The following CTNNA2 variants were observed in gnomAD, a reference collection of about 807,000 sequenced individuals.
CTNNA2 encodes catenin alpha 2.
Under a neutral mutation model 101.0 loss-of-function variants are expected in CTNNA2, and 42 were observed. That is an observed-to-expected ratio of 0.42 (90% CI 0.32 to 0.54). The LOEUF (loss-of-function observed/expected upper bound fraction) is 0.54. CTNNA2 is among the 20% of genes least tolerant of loss of function. The probability of loss-of-function intolerance (pLI) is 0.14; values close to 1 mark genes in which losing one functional copy is unlikely to be tolerated. For missense variants in CTNNA2, 871 were observed against 1,223.1 expected (o/e 0.71, Z 4.29); for synonymous variants, 450 against 456.4 (o/e 0.99, Z 0.18).
At position 79,187,268 on chromosome 2, in the gene CTNNA2, TTC is replaced by T. The variant is rs1271588864; in HGVS notation, c.-524+1839_-524+1840del. On this transcript the variant is annotated intron_variant, in intron 1 of 21. Transcript: ENST00000466387. ...TTCTTTTCTTTTCTTTTCTTTTCTT[TTC>T]TTTTTTTTTTTTTTTTTGAGACAGA... Among the ~76,000 whole-genome samples, 225 of 93,854 alleles carry T rather than the reference TTC, an allele frequency of 2.4e-3. 4 individuals are homozygous for T. Among genetic ancestry groups the T allele is most frequent in the African/African-American group, 9.7e-3 (129 of 13,318 alleles). The allele number at this position is 93,854 out of a possible 152,430, so 61.6% of individuals were successfully genotyped here. A position where few individuals can be genotyped will look rare whatever the true frequency, so the allele number is the denominator to read the frequency against.
At chr2:79,896,293 A>T (rs1408532362) in intron 6 of CTNNA2, among the ~76,000 whole-genome samples, 1 of 151,960 alleles carries the variant, frequency 6.6e-6, no homozygotes, top group African/African-American at 2.4e-5. Flanking sequence ...TCAAAAAAAA[A>T]AAAGGAGAAC....
chr2:80,102,403 C>G (rs548694925), intron 7 of CTNNA2, among the ~76,000 whole-genome samples: 2 of 152,312 alleles, frequency 1.3e-5, no homozygotes, highest in East Asian at 3.9e-4. Context: ...ATGCTTCACC[C>G]CTACAGGTCC....
intron 2 of CTNNA2, among the ~76,000 whole-genome samples, chr2:79,237,553 G>T (rs1012315570): frequency 6.6e-6 from 1 of 152,170 alleles, no homozygotes; most frequent in Non-Finnish European, 1.5e-5. Flanking sequence ...CTCTCTAGCT[G>T]TGAGAAGTCC....
intron 7 of CTNNA2, among the ~76,000 whole-genome samples, chr2:79,932,317 G>A (rs1444607994): frequency 6.6e-6 from 1 of 152,162 alleles, no homozygotes. Context: ...CAGATAAAAG[G>A]GAAAGAGGAG....
intron 2 of CTNNA2, among the ~76,000 whole-genome samples, chr2:79,290,748 C>T (rs1675781403): frequency 6.6e-6 from 1 of 152,184 alleles, no homozygotes; most frequent in Admixed American, 6.5e-5. Flanking sequence ...CTCCATCTCC[C>T]TTCCGGCTTC....
intron 1 of CTNNA2, among the ~76,000 whole-genome samples, chr2:79,568,460 A>G (rs1343008646): frequency 6.6e-6 from 1 of 151,658 alleles, no homozygotes; most frequent in Non-Finnish European, 1.5e-5. Flanking sequence ...AAAATTAGCC[A>G]GTAGTGGTGG....
chr2:80,576,230 A>T (rs991810902), intron 13 of CTNNA2: 1 of 152,086 alleles, frequency 6.6e-6, no homozygotes, highest in African/African-American at 2.4e-5. Flanking sequence ...TACATATTTA[A>T]TGGTGATGTT....
Position 79,957,357 on chromosome 2 carries a change from C to T in CTNNA2, c.1056+47560C>T, listed in dbSNP as rs187920585. 2.0e-3 allele frequency among the ~76,000 whole-genome samples: 300 copies of T among 152,228 alleles called. 4 individuals are homozygous for T. Among genetic ancestry groups the T allele is most frequent in the Non-Finnish European group, 2.8e-3 (193 of 68,018 alleles). Reference sequence around the variant, plus strand: ...GCATCTTCCATGTCTCTTTGCTTACCAGCATCCTGTTGGGTTGTGTCCATG... The same window carrying T: ...GCATCTTCCATGTCTCTTTGCTTACTAGCATCCTGTTGGGTTGTGTCCATG... On this transcript the variant is annotated intron_variant, in intron 7 of 18. Transcript: ENST00000402739.
chr2:80,511,066 C>A (rs893601268), intron 9 of CTNNA2, among the ~76,000 whole-genome samples: 1 of 152,154 alleles, frequency 6.6e-6, no homozygotes, highest in Non-Finnish European at 1.5e-5. Context: ...GAATTGTGAG[C>A]AACTTTAGAG....
chr2:79,369,589 A>G (rs1677826292), intron 3 of CTNNA2, among the ~76,000 whole-genome samples: 1 of 152,146 alleles, frequency 6.6e-6, no homozygotes, highest in Admixed American at 6.5e-5. Flanking sequence ...CCAGGTAGGT[A>G]TCAATGCCCT....
In CTNNA2 at chr2:80,302,759, A is replaced by C. The variant is rs775910242; in HGVS notation, c.1057-90452A>C. ...CAGGTGGAAGGCGTACACGGCGTCCAGGACGTCCTCGCCCTGTGCGTACTC... is the reference window on the plus strand; with the variant it reads ...CAGGTGGAAGGCGTACACGGCGTCCCGGACGTCCTCGCCCTGTGCGTACTC... On this transcript the variant is annotated intron_variant, in intron 7 of 18. Coordinates refer to ENST00000402739, the MANE Select transcript of CTNNA2 (RefSeq NM_001282597.3). The surrounding 1 kb of genome is among the most constrained non-coding windows in gnomAD (Gnocchi z 6.4). 1 of 1,613,110 alleles carries C rather than the reference A, an allele frequency of 6.2e-7. No individual in the cohort carries two copies. Among genetic ancestry groups the C allele is most frequent in the Non-Finnish European group, 8.5e-7 (1 of 1,179,902 alleles).
chr2:79,279,172 C>T (rs532835184), intron 2 of CTNNA2, among the ~76,000 whole-genome samples: 1 of 152,122 alleles, frequency 6.6e-6, no homozygotes, highest in East Asian at 1.9e-4. Flanking sequence ...TCTATAAAAA[C>T]CCAGCCCTTC....
In CTNNA2 at chr2:80,605,847, T is replaced by C. The variant is rs1425133188; in HGVS notation, c.2295+1668T>C. Among the ~76,000 whole-genome samples, 3 of 151,950 alleles carry C rather than the reference T, an allele frequency of 2.0e-5. No individual in the cohort carries two copies. The East Asian group carries it at 5.8e-4, about 29-fold the overall frequency. The stretch of plus-strand genomic sequence containing the variant: ...TTATTGGTTGAGATAACTCAAGTAC[T>C]ATGAGAATTTGAGAACTGCTTACAA... On this transcript the variant is annotated intron_variant, in intron 16 of 18. Coordinates refer to ENST00000402739, the MANE Select transcript of CTNNA2 (RefSeq NM_001282597.3).
intron 7 of CTNNA2, among the ~76,000 whole-genome samples, chr2:80,001,085 T>A (rs1484705474): frequency 2.0e-5 from 3 of 152,238 alleles, no homozygotes; most frequent in African/African-American, 4.8e-5. Context: ...TGTTTTGATT[T>A]GACTGCTTGA....
chr2:79,250,014 C>T (rs1275719952), intron 2 of CTNNA2, among the ~76,000 whole-genome samples: 3 of 152,178 alleles, frequency 2.0e-5, no homozygotes, highest in African/African-American at 7.2e-5. Flanking sequence ...CCATAATCAA[C>T]AAGGCTAATG....
At chr2:79,199,056 T>TGG (rs1474693999) in intron 2 of CTNNA2, among the ~76,000 whole-genome samples, 4 of 152,220 alleles carry the variant, frequency 2.6e-5, no homozygotes, top group Non-Finnish European at 4.4e-5. Context: ...CATGCCTGTC[T>TGG]ATAGATGAGA....
intron 18 of CTNNA2, among the ~76,000 whole-genome samples, chr2:80,622,896 G>A (rs991642862): frequency 4.0e-5 from 6 of 151,470 alleles, no homozygotes; most frequent in African/African-American, 1.5e-4. Flanking sequence ...CCAGTGACAT[G>A]GCTTCTAATT....
At chr2:79,302,914 T>A (rs1252420148) in intron 2 of CTNNA2, among the ~76,000 whole-genome samples, 2 of 152,218 alleles carry the variant, frequency 1.3e-5, no homozygotes, top group African/African-American at 2.4e-5. Flanking sequence ...TAGGTATTTT[T>A]AAATTATCCT....
chr2:80,045,867 A>C (rs1248479195), intron 7 of CTNNA2, among the ~76,000 whole-genome samples: 1 of 152,138 alleles, frequency 6.6e-6, no homozygotes, highest in Non-Finnish European at 1.5e-5. Flanking sequence ...TAAAGATGGC[A>C]TATTTTTTCA....
Sources: gnomAD v4.1 joint callset for allele counts (sites outside exome capture counted in the v4.1 genomes callset) on GRCh38, gnomAD v4.1.1 for gene constraint, Gnocchi (gnomAD v3.1) non-coding constraint, MANE v1.5 for transcripts, NCBI Gene and HGNC (gene_info 2026-07-23, HGNC 2026-07-21) for gene names.